PDE1C: variants seen among roughly 807,000 people sequenced by gnomAD.
PDE1C encodes phosphodiesterase 1C, also known as dual specificity calcium/calmodulin-dependent 3',5'-cyclic nucleotide phosphodiesterase 1C.
Under a neutral mutation model 93.1 loss-of-function variants are expected in PDE1C, and 62 were observed. The ratio of observed to expected loss-of-function variants is 0.67; its 90% confidence interval spans 0.54 to 0.82. The LOEUF (loss-of-function observed/expected upper bound fraction) is 0.82, where lower values mean the gene tolerates loss of function less well. Ranked by LOEUF, PDE1C falls within the 40% of genes least tolerant of loss-of-function variation. The probability of loss-of-function intolerance (pLI) is 0.00; values close to 1 mark genes in which losing one functional copy is unlikely to be tolerated. For missense variants in PDE1C, 742 were observed against 884.6 expected, an observed-to-expected ratio of 0.84 and a Z score of 2.04; for synonymous variants, 325 against 310.1, an observed-to-expected ratio of 1.05 and a Z score of -0.50.
At chr7:31,756,122 A>G (rs1024582507) in intron 17 of PDE1C, among the ~76,000 whole-genome samples, 1 of 152,156 alleles carries the variant, frequency 6.6e-6, no homozygotes, top group African/African-American at 2.4e-5. Context: ...CAGTGAGCCA[A>G]GATGGTACAC....
intron 1 of PDE1C, among the ~76,000 whole-genome samples, chr7:32,210,675 C>G (rs1805956839): frequency 1.3e-5 from 2 of 152,174 alleles, no homozygotes; most frequent in South Asian, 4.1e-4. Flanking sequence ...GCCTCACCAT[C>G]TACACTCTAT....
intron 1 of PDE1C, among the ~76,000 whole-genome samples, chr7:32,067,294 G>A (rs1273384947): frequency 6.6e-6 from 1 of 152,160 alleles, no homozygotes; most frequent in Non-Finnish European, 1.5e-5. Flanking sequence ...CGTAGGCACT[G>A]GGGATAAAAA....
intron 2 of PDE1C, among the ~76,000 whole-genome samples, chr7:32,012,827 C>T (rs1311825394): frequency 3.3e-5 from 5 of 152,182 alleles, no homozygotes; most frequent in Admixed American, 3.3e-4. Context: ...CAAGTCCTGG[C>T]TCTACCTCTA....
At chr7:31,715,868 A>G in the PDE1C span, among the ~76,000 whole-genome samples, 12 of 152,184 alleles carry the variant, frequency 7.9e-5, no homozygotes, top group African/African-American at 2.9e-4. Flanking sequence ...TGAGACTTCT[A>G]AGAGAGTCTG....
At chr7:31,630,238 AC>A in the PDE1C span, among the ~76,000 whole-genome samples, 1 of 53,808 alleles carries the variant, frequency 1.9e-5, no homozygotes. Context: ...AATAGAGTCT[AC>A]TTGGCAAAAA....
intron 2 of PDE1C, among the ~76,000 whole-genome samples, chr7:31,926,695 A>C (rs1584008260): frequency 6.6e-6 from 1 of 151,760 alleles, no homozygotes; most frequent in African/African-American, 2.4e-5. Context: ...GAGTCAGGGA[A>C]CTCCCTCCTC....
intron 1 of PDE1C, among the ~76,000 whole-genome samples, chr7:32,359,041 T>A (rs957093555): frequency 6.6e-6 from 1 of 152,120 alleles, no homozygotes; most frequent in Non-Finnish European, 1.5e-5. Flanking sequence ...TTAGTGAGAA[T>A]CCCCACCCTT....
chr7:32,222,765 A>C (rs12669911), intron 1 of PDE1C, among the ~76,000 whole-genome samples: 75,096 of 151,942 alleles, frequency 0.49, 21,559 homozygotes, highest in Admixed American at 0.64. Flanking sequence ...ACAGATGTGC[A>C]TTAGGACTCT....
the PDE1C span, among the ~76,000 whole-genome samples, chr7:31,622,326 A>G: frequency 6.6e-6 from 1 of 151,992 alleles, no homozygotes; most frequent in Non-Finnish European, 1.5e-5. Flanking sequence ...ACCACACCAC[A>G]CCTATTCAAA....
At chr7:31,639,162 T>C in the PDE1C span, among the ~76,000 whole-genome samples, 139 of 152,354 alleles carry the variant, frequency 9.1e-4, 1 homozygote, top group African/African-American at 3.2e-3. Flanking sequence ...AACAAACTTT[T>C]CTTTGAAACA....
At chr7:31,664,231 T>C in the PDE1C span, among the ~76,000 whole-genome samples, 6 of 152,204 alleles carry the variant, frequency 3.9e-5, no homozygotes, top group Non-Finnish European at 5.9e-5. Flanking sequence ...CAGTCTGCTC[T>C]GAAACCCATG....
rs1208934487 is a variant in PDE1C at position 31,968,139 on chromosome 7, C to T, written c.128+83415G>A. Among the ~76,000 whole-genome samples, 10 of 151,902 alleles carry T rather than the reference C, an allele frequency of 6.6e-5. No individual in the cohort carries two copies. The East Asian group carries it at 9.7e-4, about 15-fold the overall frequency. On this transcript the variant is annotated intron_variant, in intron 2 of 17. Coordinates refer to ENST00000396191, the MANE Select transcript of PDE1C (RefSeq NM_001191057.4). The stretch of plus-strand genomic sequence containing the variant: ...TCAGGCAGGAGAAGGAAATAAAGGG[C>T]ATTCAATTAGGAAAAGAGGAAGTCA...
intron 2 of PDE1C, among the ~76,000 whole-genome samples, chr7:32,012,783 A>T (rs1183527881): frequency 2.0e-5 from 3 of 152,196 alleles, no homozygotes; most frequent in Non-Finnish European, 2.9e-5. Context: ...CTGATTTTAA[A>T]ATATGCATTC....
intron 3 of PDE1C, among the ~76,000 whole-genome samples, chr7:32,156,589 CTGGACTCCAGGTAGGG>C (rs557469522): frequency 4.0e-4 from 61 of 152,272 alleles, no homozygotes; most frequent in Middle Eastern, 3.4e-3. Context: ...AAGCAACTGC[CTGGACTCCAGGTAGGG>C]TGAAAATACA....
intron 9 of PDE1C, among the ~76,000 whole-genome samples, chr7:31,838,550 C>T (rs1791407483): frequency 6.6e-6 from 1 of 152,060 alleles, no homozygotes; most frequent in Admixed American, 6.6e-5. Context: ...CCATAGTTTA[C>T]ATTAAGGTTC....
chr7:31,966,686 C>T (rs1410345187), intron 2 of PDE1C, among the ~76,000 whole-genome samples: 1 of 152,126 alleles, frequency 6.6e-6, no homozygotes, highest in Admixed American at 6.6e-5. Context: ...ACACCTATTC[C>T]AAAATTGACC....
At chr7:31,677,227 T>A in the PDE1C span, among the ~76,000 whole-genome samples, 2 of 152,214 alleles carry the variant, frequency 1.3e-5, no homozygotes, top group African/African-American at 4.8e-5. Context: ...TTTACCAAAC[T>A]TTTAAAGATC....
chr7:31,819,480 C>G (rs963504494), intron 14 of PDE1C, among the ~76,000 whole-genome samples: 3 of 152,068 alleles, frequency 2.0e-5, no homozygotes, highest in Non-Finnish European at 4.4e-5. Context: ...CTTTTCAGGT[C>G]TTAGATTTAG....
intron 7 of PDE1C, among the ~76,000 whole-genome samples, chr7:31,859,160 C>T (rs1409868475): frequency 6.7e-6 from 1 of 148,822 alleles, no homozygotes; most frequent in Non-Finnish European, 1.5e-5. Context: ...TGTATATTGA[C>T]TATTGACTAT....
Sources: allele counts gnomAD v4.1 joint callset (sites outside exome capture counted in the v4.1 genomes callset), GRCh38; gene constraint gnomAD v4.1.1; transcripts MANE v1.5; gene names NCBI Gene and HGNC (gene_info 2026-07-23, HGNC 2026-07-21).